Variants in PAPSS1 observed in about 807,000 individuals in gnomAD.
PAPSS1 encodes the protein 3'-phosphoadenosine 5'-phosphosulfate synthase 1.
PAPSS1 carries 50 observed loss-of-function variants against 72.0 expected under a neutral mutation model. The ratio of observed to expected loss-of-function variants is 0.69; its 90% CI spans 0.55 to 0.88. The LOEUF (loss-of-function observed/expected upper bound fraction) is 0.88. PAPSS1 is among the 40% of genes least tolerant of loss of function. The probability of loss-of-function intolerance (pLI) is 0.00; values close to 1 mark genes in which losing one functional copy is unlikely to be tolerated. For synonymous variants in PAPSS1, 261 were observed against 263.6 expected (o/e 0.99, Z 0.09); for missense variants, 657 against 782.2 (o/e 0.84, Z 1.91).
chr4:107,646,256 G>T (rs988954828), intron 9 of PAPSS1, among the ~76,000 whole-genome samples: 1 of 151,066 alleles, frequency 6.6e-6, no homozygotes, highest in South Asian at 2.1e-4. Context: ...GGACATAAAA[G>T]ATGCCAAAAT....
intron 5 of PAPSS1, among the ~76,000 whole-genome samples, chr4:107,674,485 A>G (rs1015470002): frequency 3.9e-5 from 6 of 152,256 alleles, no homozygotes; most frequent in African/African-American, 1.4e-4. Flanking sequence ...AGAGCTAACT[A>G]TCCTAAATAT....
At position 107,614,403 on chromosome 4, in the gene PAPSS1, AAAAG is replaced by A; in HGVS notation, c.1737-20_1737-17del. On this transcript the variant is annotated splice_polypyrimidine_tract_variant and intron_variant, in intron 11 of 11. Transcript: ENST00000265174. ...GTCTTCATGGCTAAAGGAGAGGAAA[AAAAG>A]AAAATTATTTCATAATTTTAGAAAC... 3 of 1,589,132 alleles carry A rather than the reference AAAAG, an allele frequency of 1.9e-6. No individual in the cohort carries two copies. The highest frequency in any genetic ancestry group is 1.7e-6 in the Non-Finnish European group (2 of 1,165,956).
At chr4:107,649,233 A>C (rs1338293099) in intron 9 of PAPSS1, among the ~76,000 whole-genome samples, 1 of 152,146 alleles carries the variant, frequency 6.6e-6, no homozygotes, top group African/African-American at 2.4e-5. Context: ...GGACGGAGAA[A>C]AGTTTTCGGG....
At chr4:107,695,654 A>C (rs1723047254) in intron 2 of PAPSS1, among the ~76,000 whole-genome samples, 1 of 152,118 alleles carries the variant, frequency 6.6e-6, no homozygotes, top group Non-Finnish European at 1.5e-5. Flanking sequence ...TATTATTTTG[A>C]GATATGTTCC....
At chr4:107,658,659 A>G (rs1482232346) in intron 6 of PAPSS1, among the ~76,000 whole-genome samples, 2 of 152,228 alleles carry the variant, frequency 1.3e-5, no homozygotes, top group African/African-American at 4.8e-5. Context: ...ATGTTTGCCA[A>G]TGTGTTCCAC....
intron 1 of PAPSS1, among the ~76,000 whole-genome samples, chr4:107,706,808 C>A (rs1399887804): frequency 2.0e-5 from 3 of 152,226 alleles, no homozygotes; most frequent in Non-Finnish European, 2.9e-5. Context: ...GGAAGGCCAT[C>A]TGGCATGGTG....
intron 1 of PAPSS1, among the ~76,000 whole-genome samples, chr4:107,709,521 A>G (rs867822445): frequency 1.1e-4 from 17 of 152,242 alleles, no homozygotes; most frequent in African/African-American, 3.9e-4. Flanking sequence ...GAATCCTCCC[A>G]AGGTGTAAAC....
chr4:107,635,795 T>C (rs762198402), intron 10 of PAPSS1, among the ~76,000 whole-genome samples: 5 of 152,240 alleles, frequency 3.3e-5, no homozygotes, highest in Non-Finnish European at 7.3e-5. Context: ...TAAAAAATTA[T>C]GTAATAAACA....
intron 10 of PAPSS1, among the ~76,000 whole-genome samples, chr4:107,638,572 A>G (rs1726449152): frequency 6.6e-6 from 1 of 152,136 alleles, no homozygotes; most frequent in Non-Finnish European, 1.5e-5. Context: ...CTCAGAGTGG[A>G]GACAACAAGC....
At chr4:107,717,161 T>G (rs1435171784) in intron 1 of PAPSS1, among the ~76,000 whole-genome samples, 1 of 152,194 alleles carries the variant, frequency 6.6e-6, no homozygotes, top group African/African-American at 2.4e-5. Context: ...GAAAAAACAC[T>G]GAAATGATAG....
intron 10 of PAPSS1, among the ~76,000 whole-genome samples, chr4:107,632,833 C>T (rs1003303360): frequency 6.6e-6 from 1 of 152,182 alleles, no homozygotes; most frequent in African/African-American, 2.4e-5. Context: ...AAAACCATCA[C>T]TGTTCCATAT....
rs1382085129 is a variant in PAPSS1, at chr4:107,701,160, CTT to C, written c.175+9_175+10del. 5 of 1,584,176 alleles carry C rather than the reference CTT, an allele frequency of 3.2e-6. No homozygotes were observed. Among genetic ancestry groups the C allele is most frequent in the Non-Finnish European group, 4.3e-6 (5 of 1,153,010 alleles). ...TTTTAAAATAAACTGCTTTCTCTCT[CTT>C]GACCATACCTGTTAGCCAAACTGTG... On this transcript the variant is annotated intron_variant, in intron 2 of 11. Transcript: ENST00000265174.
intron 5 of PAPSS1, 40 bp downstream of exon 5, chr4:107,681,975 T>C (rs767186780): frequency 3.7e-5 from 36 of 983,120 alleles, no homozygotes; most frequent in Non-Finnish European, 5.4e-5. Flanking sequence ...GAGAGAGATA[T>C]AATTTTTCTC....
intron 10 of PAPSS1, 32 bp downstream of exon 10, chr4:107,644,770 C>A: frequency 6.3e-7 from 1 of 1,577,394 alleles, no homozygotes. Flanking sequence ...GGCTTTAACA[C>A]TGCTGCAGTG....
chr4:107,638,203 T>A (rs1726439430), intron 10 of PAPSS1, among the ~76,000 whole-genome samples: 1 of 152,234 alleles, frequency 6.6e-6, no homozygotes, highest in South Asian at 2.1e-4. Context: ...ATTTCTAGTT[T>A]GCAATGCAAA....
intron 10 of PAPSS1, among the ~76,000 whole-genome samples, chr4:107,634,050 C>T (rs779199710): frequency 1.7e-4 from 26 of 152,132 alleles, no homozygotes; most frequent in Non-Finnish European, 3.2e-4. Context: ...CAGGGTCTTA[C>T]TCTGTCACTC....
At chr4:107,632,721 G>A (rs919670051) in intron 10 of PAPSS1, among the ~76,000 whole-genome samples, 2 of 152,124 alleles carry the variant, frequency 1.3e-5, no homozygotes, top group Admixed American at 6.5e-5. Context: ...TGAAGCCCCC[G>A]AAAGGTTAAA....
chr4:107,680,878 T>G (rs879573077), intron 5 of PAPSS1, among the ~76,000 whole-genome samples: 14 of 152,124 alleles, frequency 9.2e-5, no homozygotes, highest in Non-Finnish European at 1.9e-4. Context: ...CAAATAATGA[T>G]ACCTGATCAG....
At chr4:107,615,758 T>C (rs1341624884) in intron 11 of PAPSS1, among the ~76,000 whole-genome samples, 5 of 152,196 alleles carry the variant, frequency 3.3e-5, no homozygotes, top group African/African-American at 9.7e-5. Context: ...TATGAACTTA[T>C]AGGTAAAACC....
Sources: gnomAD v4.1 joint callset for allele counts (sites outside exome capture counted in the v4.1 genomes callset) on GRCh38, gnomAD v4.1.1 for gene constraint, MANE v1.5 for transcripts, NCBI Gene and HGNC (gene_info 2026-07-23, HGNC 2026-07-21) for gene names.